The following RCBTB2 variants were observed in gnomAD, a reference collection of about 807,000 sequenced individuals.
RCBTB2 encodes the protein RCC1 and BTB domain-containing protein 2.
RCBTB2 carries 55 observed loss-of-function variants against 65.4 expected under a neutral mutation model. The ratio of observed to expected loss-of-function variants is 0.84; its 90% CI spans 0.68 to 1.05. The LOEUF is 1.05. Among genes scored for constraint, RCBTB2 ranks in the 50% least tolerant of loss-of-function variants. RCBTB2 has a pLI of 0.00. For synonymous variants in RCBTB2, 220 were observed against 255.2 expected (o/e 0.86, Z 1.31); for missense variants, 599 against 680.1 (o/e 0.88, Z 1.33).
At chr13:48,510,069 G>T (rs1459792913) in intron 10 of RCBTB2, among the ~76,000 whole-genome samples, 1 of 152,198 alleles carries the variant, frequency 6.6e-6, no homozygotes, top group East Asian at 1.9e-4. Flanking sequence ...TTCTGGATGT[G>T]CTAATTACAT....
At chr13:48,527,337 G>GATATATATATATATATCATATAT (rs1174299074) in intron 1 of RCBTB2, among the ~76,000 whole-genome samples, 2 of 112,196 alleles carry the variant, frequency 1.8e-5, no homozygotes, top group African/African-American at 1.3e-4. Flanking sequence ...ATATATATAT[G>GATATATATATATATATCATATAT]ATATATATAT....
At chr13:48,522,217 T>C in intron 3 of RCBTB2, 91 bp downstream of exon 3, 5 of 880,922 alleles carry the variant, frequency 5.7e-6, no homozygotes, top group Non-Finnish European at 8.9e-6. Context: ...GTCTCAAAAT[T>C]CACATGGGTC....
At chr13:48,507,010 G>GGGTA (rs1950538530) in intron 10 of RCBTB2, among the ~76,000 whole-genome samples, 1 of 152,226 alleles carries the variant, frequency 6.6e-6, no homozygotes, top group South Asian at 2.1e-4. Flanking sequence ...CCATGAAAGA[G>GGGTA]GGTAGCCTCT....
upstream of RCBTB2, among the ~76,000 whole-genome samples, chr13:48,534,769 A>G (rs1355556926): frequency 6.6e-6 from 1 of 152,244 alleles, no homozygotes; most frequent in Non-Finnish European, 1.5e-5. Context: ...TTCCTTCAAC[A>G]CTTTTGGATA....
intron 1 of RCBTB2, among the ~76,000 whole-genome samples, chr13:48,529,503 T>C (rs1334457124): frequency 2.0e-5 from 3 of 152,224 alleles, no homozygotes; most frequent in African/African-American, 7.2e-5. Context: ...ACATCTTCCA[T>C]AGGGAGATAT....
chr13:48,502,474 C>G (rs115007867), intron 11 of RCBTB2, among the ~76,000 whole-genome samples: 1,589 of 151,096 alleles, frequency 0.011, 22 homozygotes, highest in African/African-American at 0.037. Context: ...GCCTGGGCAA[C>G]AGAGCAAGAC....
intron 4 of RCBTB2, among the ~76,000 whole-genome samples, chr13:48,521,617 A>G: frequency 6.6e-6 from 1 of 152,200 alleles, no homozygotes; most frequent in Non-Finnish European, 1.5e-5. Flanking sequence ...GCAGGCCAGC[A>G]CTGTCTGAAT....
In RCBTB2 at chr13:48,511,998, GT is replaced by G. The variant is rs772560311; in HGVS notation, c.675+17del. On this transcript the variant is annotated intron_variant, in intron 8 of 14. Coordinates refer to ENST00000344532, the MANE Select transcript of RCBTB2 (RefSeq NM_001268.4). ...GGCAAACACGGTTTTTAAACAAGAT[GT>G]AAAATAACTTCCTTACCTCCCCCGT... The G allele has an allele frequency of 3.7e-6, 6 of 1,610,646 alleles. No homozygotes were observed. Among genetic ancestry groups the G allele is most frequent in the Non-Finnish European group, 4.2e-6 (5 of 1,177,270 alleles).
intron 12 of RCBTB2, among the ~76,000 whole-genome samples, chr13:48,500,136 G>A (rs548091012): frequency 1.3e-5 from 2 of 152,318 alleles, no homozygotes; most frequent in Non-Finnish European, 2.9e-5. Context: ...AAATTCCTGT[G>A]TTGAAGTCCT....
At chr13:48,518,472 A>AAAAATATAT (rs1491137365) in intron 4 of RCBTB2, among the ~76,000 whole-genome samples, 20 of 116,620 alleles carry the variant, frequency 1.7e-4, no homozygotes, top group African/African-American at 4.1e-4. Flanking sequence ...AAAAAAAAAA[A>AAAAATATAT]ATATATATAT....
Position 48,511,765 on chromosome 13 carries a change from C to T in RCBTB2, c.783+5G>A, listed in dbSNP as rs771797796. 4.3e-5 allele frequency: 70 copies of T among 1,612,304 alleles called. No individual in the cohort carries two copies. The highest frequency in any genetic ancestry group is 1.1e-4 in the South Asian group (10 of 90,910). On this transcript the variant is annotated splice_donor_5th_base_variant and intron_variant, in intron 9 of 14. Coordinates refer to ENST00000344532, the MANE Select transcript of RCBTB2 (RefSeq NM_001268.4). ...TACACGCACACAAACTGACAGTGGA[C>T]GTACCCTCTGGACACGGATGCCTTG... is the stretch of plus-strand genomic sequence containing the variant.
At chr13:48,523,428 T>C (rs1291531149) in intron 2 of RCBTB2, among the ~76,000 whole-genome samples, 1 of 152,202 alleles carries the variant, frequency 6.6e-6, no homozygotes, top group Non-Finnish European at 1.5e-5. Context: ...GGTAAGTTCT[T>C]CAAAAGGGCA....
At chr13:48,533,856 A>T (rs1952309792), upstream of RCBTB2, among the ~76,000 whole-genome samples, 1 of 152,212 alleles carries the variant, frequency 6.6e-6, no homozygotes, top group African/African-American at 2.4e-5. Context: ...GTTATTAGCT[A>T]TTCCTGTGAA....
intron 1 of RCBTB2, among the ~76,000 whole-genome samples, chr13:48,531,510 T>C (rs1273140435): frequency 6.6e-6 from 1 of 152,224 alleles, no homozygotes; most frequent in Admixed American, 6.5e-5. Flanking sequence ...TAAATAAAGT[T>C]CTGTGCCATG....
At chr13:48,491,088 G>A in intron 14 of RCBTB2, among the ~76,000 whole-genome samples, 1 of 151,906 alleles carries the variant, frequency 6.6e-6, no homozygotes. Flanking sequence ...GCTAGGTGGT[G>A]GTCAATTTTT....
At chr13:48,533,227 C>T (rs1374631506), upstream of RCBTB2, 3 of 338,568 alleles carry the variant, frequency 8.9e-6, no homozygotes, top group Non-Finnish European at 1.2e-5. Context: ...CTCGCCCCTC[C>T]TCTCCTCCCT....
At chr13:48,513,417 G>A (rs1303601246) in intron 6 of RCBTB2, among the ~76,000 whole-genome samples, 1 of 151,982 alleles carries the variant, frequency 6.6e-6, no homozygotes, top group Non-Finnish European at 1.5e-5. Flanking sequence ...CCCCCAAAAG[G>A]CCCTCACATA....
At chr13:48,500,506 C>G (rs111250183) in intron 12 of RCBTB2, among the ~76,000 whole-genome samples, 1,592 of 152,084 alleles carry the variant, frequency 0.01, 22 homozygotes, top group African/African-American at 0.037. Flanking sequence ...TGCAGTGAGC[C>G]GAGATCAGGC....
chr13:48,529,099 C>T (rs564365127), intron 1 of RCBTB2, among the ~76,000 whole-genome samples: 19 of 152,142 alleles, frequency 1.2e-4, no homozygotes, highest in African/African-American at 4.3e-4. Context: ...CAGCCACACA[C>T]GGCAAAAGTG....
Sources: allele counts gnomAD v4.1 joint callset (sites outside exome capture counted in the v4.1 genomes callset), GRCh38; gene constraint gnomAD v4.1.1; transcripts MANE v1.5; gene names NCBI Gene and HGNC (gene_info 2026-07-23, HGNC 2026-07-21).